The following NTRK3 variants were observed in gnomAD, a reference collection of about 807,000 sequenced individuals.
NTRK3 encodes the protein neurotrophic receptor tyrosine kinase 3, also known as NT-3 growth factor receptor.
Under a neutral mutation model 91.7 loss-of-function variants are expected in NTRK3, and 24 were observed. The observed-to-expected ratio is 0.26, with a 90% CI of 0.19 to 0.37. NTRK3 has a LOEUF of 0.37. Ranked by LOEUF, NTRK3 falls within the 10% of genes least tolerant of loss-of-function variation. The pLI is 1.00. For missense variants in NTRK3, 880 were observed against 1,068.9 expected (o/e 0.82, Z 2.46); for synonymous variants, 483 against 404.0 (o/e 1.20, Z -2.34).
chr15:87,986,215 T>C (rs1303462664), intron 14 of NTRK3, among the ~76,000 whole-genome samples: 1 of 152,244 alleles, frequency 6.6e-6, no homozygotes, highest in Non-Finnish European at 1.5e-5. Context: ...CTTCAAAATA[T>C]CTGTCTTTGT....
intron 14 of NTRK3, among the ~76,000 whole-genome samples, chr15:88,007,337 A>G (rs2076565239): frequency 6.6e-6 from 1 of 152,218 alleles, no homozygotes; most frequent in African/African-American, 2.4e-5. Context: ...TCCTGCTCAC[A>G]ATACCATACT....
intron 13 of NTRK3, among the ~76,000 whole-genome samples, chr15:88,037,580 A>AAGAC (rs746540423): frequency 9.9e-5 from 15 of 152,132 alleles, no homozygotes; most frequent in Non-Finnish European, 1.3e-4. Flanking sequence ...GAAAGAAAGA[A>AAGAC]AGCATTCAAA....
intron 13 of NTRK3, among the ~76,000 whole-genome samples, chr15:88,089,311 G>A (rs2048795990): frequency 6.6e-6 from 1 of 152,170 alleles, no homozygotes; most frequent in Admixed American, 6.5e-5. Flanking sequence ...GCTTAAAAAT[G>A]CATCTTATTT....
At chr15:87,973,815 G>C (rs929325219) in intron 14 of NTRK3, among the ~76,000 whole-genome samples, 1 of 152,080 alleles carries the variant, frequency 6.6e-6, no homozygotes, top group African/African-American at 2.4e-5. Flanking sequence ...CAAGCAGCCA[G>C]CATCGCCCCT....
At chr15:87,918,557 G>A (rs1010582114) in intron 17 of NTRK3, among the ~76,000 whole-genome samples, 4 of 152,138 alleles carry the variant, frequency 2.6e-5, no homozygotes, top group African/African-American at 9.7e-5. Context: ...AACCCCTCAA[G>A]ACCCATGCCA....
intron 5 of NTRK3, 72 bp from the exon 6 acceptor site, chr15:88,147,475 A>T (rs1383998317): frequency 7.9e-7 from 1 of 1,267,686 alleles, no homozygotes; most frequent in Non-Finnish European, 1.2e-6. Context: ...TAGTAAGCTT[A>T]ATCATTTCAC....
At chr15:88,163,476 A>T (rs1223778571) in intron 5 of NTRK3, among the ~76,000 whole-genome samples, 3 of 152,178 alleles carry the variant, frequency 2.0e-5, no homozygotes, top group African/African-American at 7.2e-5. Context: ...AGAGCATTTC[A>T]TCCATCCATC....
At chr15:88,067,649 A>G (rs943699060) in intron 13 of NTRK3, among the ~76,000 whole-genome samples, 21 of 152,180 alleles carry the variant, frequency 1.4e-4, no homozygotes, top group Non-Finnish European at 2.9e-4. Context: ...GGCTCTCTAG[A>G]CCTGCCCTGG....
At chr15:88,024,437 AG>A (rs1439960988) in intron 14 of NTRK3, among the ~76,000 whole-genome samples, 2 of 152,198 alleles carry the variant, frequency 1.3e-5, no homozygotes, top group Non-Finnish European at 2.9e-5. Flanking sequence ...GTACTTAAGA[AG>A]GGATCAGTGG....
At chr15:88,075,988 A>T (rs1195015114) in intron 13 of NTRK3, among the ~76,000 whole-genome samples, 1 of 152,216 alleles carries the variant, frequency 6.6e-6, no homozygotes. Context: ...TAGGCTAGAC[A>T]CTGGTTTTGA....
At chr15:87,865,891 TG>T in exon 19 of NTRK3, 1 of 229,932 alleles carries the variant, frequency 4.3e-6, no homozygotes, top group African/African-American at 2.2e-5. Flanking sequence ...AAAATGCTAA[TG>T]GCAAAACTTC....
At chr15:88,139,305 C>G (rs529976167) in intron 6 of NTRK3, among the ~76,000 whole-genome samples, 8 of 152,138 alleles carry the variant, frequency 5.3e-5, no homozygotes, top group Admixed American at 4.6e-4. Flanking sequence ...AATCTGAATG[C>G]CTGGATCATT....
chr15:87,871,097 T>G (rs139380037), exon 19 of NTRK3: 2 of 230,516 alleles, frequency 8.7e-6, no homozygotes, highest in Non-Finnish European at 1.7e-5. Context: ...CTGAGTTTTA[T>G]TTCTTTGATA....
intron 3 of NTRK3, among the ~76,000 whole-genome samples, chr15:88,214,211 A>AGC (rs2049522490): frequency 6.6e-6 from 1 of 152,192 alleles, no homozygotes; most frequent in South Asian, 2.1e-4. Context: ...AAATTGTCTC[A>AGC]CAGTCCTGGA....
chr15:87,945,783 G>A (rs1213599920), intron 14 of NTRK3, among the ~76,000 whole-genome samples: 3 of 139,438 alleles, frequency 2.2e-5, no homozygotes, highest in Admixed American at 1.5e-4. Flanking sequence ...AAATGGCACT[G>A]CTGAAAGAGT....
chr15:88,099,002 C>A, intron 13 of NTRK3: 1 of 232,190 alleles, frequency 4.3e-6, no homozygotes. Flanking sequence ...ATATACCTCA[C>A]CTTAATCTTG....
chr15:87,981,398 G>A (rs2141371713), intron 14 of NTRK3: 3 of 1,613,814 alleles, frequency 1.9e-6, no homozygotes, highest in South Asian at 1.1e-5. Context: ...TTAATGGTCA[G>A]TATTAAACCC....
rs1334634761 is a variant in NTRK3 at position 88,135,082 on chromosome 15, C to T, written c.1204+19G>A. The T allele has an allele frequency of 2.5e-6, 4 of 1,614,168 alleles. No homozygotes were observed. Among genetic ancestry groups the T allele is most frequent in the Middle Eastern group, 3.3e-4 (2 of 6,058 alleles). ...TAGAAAGAATCCATACACCTCCGAT[C>T]CAGCTACGCTGCCCTCACCTGGAAA... is the stretch of plus-strand genomic sequence containing the variant. On this transcript the variant is annotated intron_variant, in intron 10 of 18. Coordinates refer to ENST00000394480, the Ensembl canonical transcript of NTRK3.
chr15:87,941,229 T>C lies in NTRK3; in HGVS notation c.1586-476A>G, dbSNP rs1186939810. Among the ~76,000 whole-genome samples the C allele has an allele frequency of 2.6e-5, 4 of 152,266 alleles. No individual in the cohort carries two copies. In the East Asian group the frequency reaches 5.8e-4, roughly 22 times the overall value. On this transcript the variant is annotated intron_variant, in intron 14 of 18. Transcript: ENST00000394480. The stretch of plus-strand genomic sequence containing the variant: ...ACTTTGAAAAGCAAATTTTCCAGGG[T>C]ACGATTGAGAATCAGGTTGGAATCC...
Sources: gnomAD v4.1 joint callset for allele counts (sites outside exome capture counted in the v4.1 genomes callset) on GRCh38, gnomAD v4.1.1 for gene constraint, MANE v1.5 for transcripts, NCBI Gene and HGNC (gene_info 2026-07-23, HGNC 2026-07-21) for gene names.